Variants in KREMEN1 observed in about 807,000 individuals in gnomAD.
KREMEN1 encodes the protein kringle containing transmembrane protein 1, also known as kremen protein 1.
Under a neutral mutation model 46.5 loss-of-function variants are expected in KREMEN1, and 30 were observed. That is an observed-to-expected ratio of 0.65 (90% CI 0.48 to 0.88). KREMEN1 has a LOEUF of 0.88. KREMEN1 is among the 40% of genes least tolerant of loss of function. KREMEN1 has a pLI of 0.00. For missense variants in KREMEN1, 533 were observed against 596.9 expected, an observed-to-expected ratio of 0.89 and a Z score of 1.11; for synonymous variants, 214 against 230.6, an observed-to-expected ratio of 0.93 and a Z score of 0.65.
At position 29,145,283 on chromosome 22, in the gene KREMEN1, C is replaced by T. The variant is rs1172053201; in HGVS notation, c.*3171C>T. The T allele has an allele frequency of 1.1e-5, 11 of 985,522 alleles. No homozygotes were observed. The highest frequency in any genetic ancestry group is 1.3e-5 in the Non-Finnish European group (11 of 830,088). 61.0% of individuals were successfully genotyped at this position (985,522 alleles called of 1,614,324 possible). On this transcript the variant is annotated 3_prime_UTR_variant, in exon 9 of 9. Coordinates refer to ENST00000400335, the MANE Select transcript of KREMEN1 (RefSeq NM_001039570.3). ...GTTGGAGGTGGCGAAAAGAGGGTAA[C>T]CCTGGGAAAGTCAGTCAGAACCCAT... is the stretch of plus-strand genomic sequence containing the variant.
downstream of KREMEN1, among the ~76,000 whole-genome samples, chr22:29,151,620 T>C (rs1272040001): frequency 6.6e-6 from 1 of 152,208 alleles, no homozygotes; most frequent in Non-Finnish European, 1.5e-5. Context: ...CCCATAAAAC[T>C]TCACGGACAC....
At chr22:29,095,634 G>T (rs1281095120) in intron 2 of KREMEN1, among the ~76,000 whole-genome samples, 1 of 152,184 alleles carries the variant, frequency 6.6e-6, no homozygotes, top group Non-Finnish European at 1.5e-5. Flanking sequence ...CCATGGCACT[G>T]TTGACGCAGC....
intron 5 of KREMEN1, among the ~76,000 whole-genome samples, chr22:29,129,347 A>C (rs2038498157): frequency 6.8e-6 from 1 of 147,672 alleles, no homozygotes; most frequent in African/African-American, 2.5e-5. Flanking sequence ...ACTCCATCTA[A>C]AAAAAAAAAG....
intron 3 of KREMEN1, among the ~76,000 whole-genome samples, chr22:29,108,479 G>A (rs149930617): frequency 2.4e-4 from 36 of 152,284 alleles, no homozygotes; most frequent in Admixed American, 3.9e-4. Context: ...CCTCATTGGT[G>A]CCTTCCAGAG....
At chr22:29,093,280 A>G (rs1337394868) in intron 1 of KREMEN1, among the ~76,000 whole-genome samples, 1 of 152,194 alleles carries the variant, frequency 6.6e-6, no homozygotes, top group East Asian at 1.9e-4. Flanking sequence ...GGAGAAGGAA[A>G]GAAATGCAGC....
chr22:29,083,960 T>C (rs1043195724), intron 1 of KREMEN1, among the ~76,000 whole-genome samples: 4 of 152,172 alleles, frequency 2.6e-5, no homozygotes, highest in African/African-American at 9.7e-5. Context: ...GGTTGGCTAT[T>C]TTTATGGTTA....
chr22:29,140,431 GC>G (rs2038744308), intron 8 of KREMEN1, 65 bp downstream of exon 8: 1 of 1,189,316 alleles, frequency 8.4e-7, no homozygotes, highest in South Asian at 1.2e-5. Flanking sequence ...TTTCTATGAT[GC>G]TTCATTTGTC....
At position 29,146,709 on chromosome 22, in the gene KREMEN1, T is replaced by C; in HGVS notation, c.*4597T>C. The C allele has an allele frequency of 5.4e-6, 5 of 920,190 alleles. No homozygotes were observed. Among genetic ancestry groups the C allele is most frequent in the Non-Finnish European group, 6.5e-6 (5 of 770,176 alleles). 57.0% of individuals were successfully genotyped at this position (920,190 alleles called of 1,614,324 possible). On this transcript the variant is annotated 3_prime_UTR_variant, in exon 9 of 9. Transcript: ENST00000400335. The stretch of plus-strand genomic sequence containing the variant: ...GCACTGTATACAATTTAATATATAT[T>C]TTTAGGGTTTTGTTATTTAAGAAAA...
In KREMEN1 at chr22:29,073,295, C is replaced by A. The variant is rs907287567; in HGVS notation, c.97+68C>A. On this transcript the variant is annotated intron_variant, in intron 1 of 8. Coordinates refer to ENST00000400335, the MANE Select transcript of KREMEN1 (RefSeq NM_001039570.3). This position sits in a 1 kb window ranked among gnomAD's most constrained non-coding sequence, Gnocchi z 4.4. Reference sequence around the variant, plus strand: ...CACTCGAGGGGCGACAAGGGCCGGCCGGCCTGAGAGCCCCCTCCCTCCCGC... The same window carrying A: ...CACTCGAGGGGCGACAAGGGCCGGCAGGCCTGAGAGCCCCCTCCCTCCCGC... 2 of 639,782 alleles carry A rather than the reference C, an allele frequency of 3.1e-6. No individual in the cohort carries two copies. Among genetic ancestry groups the A allele is most frequent in the East Asian group, 4.9e-5 (1 of 20,502 alleles). The allele number at this position is 639,782 out of a possible 1,614,324, so 39.6% of individuals were successfully genotyped here.
Position 29,104,663 on chromosome 22 carries a change from T to A in KREMEN1, c.352+5710T>A, listed in dbSNP as rs889242790. Among the ~76,000 whole-genome samples the A allele has an allele frequency of 1.3e-5, 2 of 152,172 alleles. 1 individual carries two copies. Among genetic ancestry groups the A allele is most frequent in the Non-Finnish European group, 2.9e-5 (2 of 68,018 alleles). On this transcript the variant is annotated intron_variant, in intron 3 of 8. Transcript: ENST00000400335. ...GGCTCACGCCTGTAATCCCAGCACT[T>A]TGGGAGGCCAAGGTGGGCGGATCAC...
At chr22:29,161,763 T>C (rs908240544) in intron 9 of KREMEN1, among the ~76,000 whole-genome samples, 1 of 151,890 alleles carries the variant, frequency 6.6e-6, no homozygotes, top group African/African-American at 2.4e-5. Flanking sequence ...CAGGCCAATA[T>C]CCCTGATGAA....
exon 10 of KREMEN1, chr22:29,167,198 G>T: frequency 9.3e-7 from 1 of 1,071,670 alleles, no homozygotes; most frequent in South Asian, 1.4e-5. Flanking sequence ...GCACAGAAAT[G>T]GTGGGCTCTC....
At chr22:29,127,499 A>G (rs2038464017) in intron 5 of KREMEN1, among the ~76,000 whole-genome samples, 1 of 152,158 alleles carries the variant, frequency 6.6e-6, no homozygotes, top group Admixed American at 6.6e-5. Flanking sequence ...CATCTCTACT[A>G]AAAATACAAA....
intron 4 of KREMEN1, among the ~76,000 whole-genome samples, chr22:29,123,170 A>G (rs1342022238): frequency 6.6e-6 from 1 of 151,984 alleles, no homozygotes; most frequent in Non-Finnish European, 1.5e-5. Flanking sequence ...AGGCACCAAA[A>G]GCACGACCCA....
At chr22:29,163,468 C>A (rs1031825969) in intron 9 of KREMEN1, among the ~76,000 whole-genome samples, 2 of 151,868 alleles carry the variant, frequency 1.3e-5, no homozygotes, top group Non-Finnish European at 2.9e-5. Context: ...ATATCCGCCT[C>A]CCGGGTTCAA....
chr22:29,088,070 A>G (rs2037754851), intron 1 of KREMEN1, among the ~76,000 whole-genome samples: 1 of 152,144 alleles, frequency 6.6e-6, no homozygotes, highest in African/African-American at 2.4e-5. Flanking sequence ...TTTATAGCTG[A>G]AATTTTGATT....
rs1282447735 is a variant in KREMEN1, at chr22:29,145,205, G to A, written c.*3093G>A. 1.0e-6 allele frequency: 1 copy of A among 985,640 alleles called. No individual in the cohort carries two copies. The highest frequency in any genetic ancestry group is 1.2e-6 in the Non-Finnish European group (1 of 830,082). 61.1% of individuals were successfully genotyped at this position (985,640 alleles called of 1,614,324 possible). On this transcript the variant is annotated 3_prime_UTR_variant, in exon 9 of 9. Transcript: ENST00000400335. ...GATGACGTGGGCTTCCAGGAGCATG[G>A]AGGAGGTGGCACTTGAACTTTTAGG...
chr22:29,160,933 CA>C (rs1381862938), intron 9 of KREMEN1, among the ~76,000 whole-genome samples: 1 of 152,044 alleles, frequency 6.6e-6, no homozygotes, highest in African/African-American at 2.4e-5. Flanking sequence ...TCAGCAAAAC[CA>C]AAAGTTGATT....
chr22:29,073,442 T>C lies in KREMEN1; in HGVS notation c.97+215T>C, dbSNP rs2037508250. Reference sequence around the variant, plus strand: ...ATCGACGCCCCCGGGCCCGGTACTGTCCCCCGGCTGCAGGACCCGGTGCTC... The same window carrying C: ...ATCGACGCCCCCGGGCCCGGTACTGCCCCCCGGCTGCAGGACCCGGTGCTC... On this transcript the variant is annotated intron_variant, in intron 1 of 8. Transcript: ENST00000400335. This position sits in a 1 kb window ranked among gnomAD's most constrained non-coding sequence, Gnocchi z 4.4. 6.6e-6 allele frequency among the ~76,000 whole-genome samples: 1 copy of C among 150,972 alleles called. No homozygotes were observed. Among genetic ancestry groups the C allele is most frequent in the African/African-American group, 2.4e-5 (1 of 41,024 alleles).
Sources: gnomAD v4.1 joint callset for allele counts (sites outside exome capture counted in the v4.1 genomes callset) on GRCh38, gnomAD v4.1.1 for gene constraint, Gnocchi (gnomAD v3.1) non-coding constraint, MANE v1.5 for transcripts, NCBI Gene and HGNC (gene_info 2026-07-23, HGNC 2026-07-21) for gene names.